Variants in XPO1 observed in about 807,000 individuals in gnomAD.
XPO1 encodes exportin 1.
A neutral mutation model predicts 133.3 loss-of-function variants in XPO1; 5 were observed. The observed-to-expected ratio is 0.04, with a 90% CI of 0.02 to 0.08. XPO1 has a LOEUF of 0.08. XPO1 is among the 10% of genes least tolerant of loss of function. XPO1 has a pLI of 1.00. For synonymous variants in XPO1, 419 were observed against 408.2 expected, an observed-to-expected ratio of 1.03 and a Z score of -0.32; for missense variants, 506 against 1,267.5, an observed-to-expected ratio of 0.40 and a Z score of 9.12.
At chr2:61,535,253 G>A (rs547304016) in intron 1 of XPO1, among the ~76,000 whole-genome samples, 7 of 152,166 alleles carry the variant, frequency 4.6e-5, no homozygotes, top group African/African-American at 7.2e-5. Flanking sequence ...CTTTTTGGGG[G>A]TCTAAGATGC....
At chr2:61,503,987 G>C (rs1316050096) in intron 4 of XPO1, among the ~76,000 whole-genome samples, 2 of 152,236 alleles carry the variant, frequency 1.3e-5, no homozygotes, top group Non-Finnish European at 2.9e-5. Flanking sequence ...GGAGGCTGCA[G>C]TGAACGGAGA....
intron 9 of XPO1, among the ~76,000 whole-genome samples, chr2:61,497,458 A>G (rs890082807): frequency 1.3e-5 from 2 of 152,098 alleles, no homozygotes; most frequent in African/African-American, 4.8e-5. Flanking sequence ...TGATCCGCTC[A>G]CCTCGACCTC....
chr2:61,494,605 G>C (rs1295939117), intron 11 of XPO1: 1 of 152,442 alleles, frequency 6.6e-6, no homozygotes. Context: ...TACAGAGACA[G>C]AAACCAAAAT....
rs375303773 is a variant in XPO1 at position 61,482,947 on chromosome 2, A to G, written c.2812+10T>C. 1.6e-4 allele frequency: 260 copies of G among 1,613,226 alleles called. 1 individual carries two copies. Among genetic ancestry groups the G allele is most frequent in the Non-Finnish European group, 2.0e-4 (240 of 1,179,920 alleles). ...TGGCACTTAACATTTAAATCGTATT[A>G]AATTCTTACCAGCAGTATGTGAAGT... On this transcript the variant is annotated intron_variant, in intron 22 of 24. Coordinates refer to ENST00000401558, the MANE Select transcript of XPO1 (RefSeq NM_003400.4).
intron 4 of XPO1, chr2:61,502,746 TAA>T (rs11365993): frequency 1.9e-4 from 29 of 150,670 alleles, no homozygotes; most frequent in South Asian, 4.1e-4. Context: ...GAGCAAGACT[TAA>T]AAAAAAAAAA....
rs536613721 is a variant in XPO1 at position 61,505,477 on chromosome 2, C to T, written c.302-3167G>A. ...TGTGATCTAGGCTCACTGACACGGC[C>T]GCCTCCTGGGTTCAAGTGATTCTCC... is the stretch of plus-strand genomic sequence containing the variant. On this transcript the variant is annotated intron_variant, in intron 4 of 24. Transcript: ENST00000401558. Among the ~76,000 whole-genome samples the T allele has an allele frequency of 9.3e-5, 14 of 151,092 alleles. No homozygotes were observed. The East Asian group carries it at 1.8e-3, about 19-fold the overall frequency.
intron 6 of XPO1, among the ~76,000 whole-genome samples, chr2:61,501,760 T>TC (rs2104525134): frequency 1.2e-5 from 1 of 86,116 alleles, no homozygotes; most frequent in East Asian, 3.5e-4. Flanking sequence ...TAAATAAGAA[T>TC]CCAACAGAGT....
At chr2:61,491,438 G>T (rs988689141) in intron 16 of XPO1, among the ~76,000 whole-genome samples, 7 of 144,958 alleles carry the variant, frequency 4.8e-5, no homozygotes, top group African/African-American at 1.8e-4. Context: ...ACGACAGAGT[G>T]AAACTCCATC....
At chr2:61,479,220 T>G (rs1696207671) in intron 24 of XPO1, among the ~76,000 whole-genome samples, 1 of 152,052 alleles carries the variant, frequency 6.6e-6, no homozygotes, top group African/African-American at 2.4e-5. Context: ...TAATCCCAAC[T>G]TTGGGAGGCA....
intron 4 of XPO1, among the ~76,000 whole-genome samples, chr2:61,520,076 A>C (rs1698614530): frequency 6.6e-6 from 1 of 152,166 alleles, no homozygotes; most frequent in South Asian, 2.1e-4. Flanking sequence ...ATTTAGTAGT[A>C]ATCGGTACAA....
chr2:61,533,711 C>G (rs1032894856), intron 2 of XPO1, 61 bp downstream of exon 2: 2 of 1,373,870 alleles, frequency 1.5e-6, no homozygotes, highest in Non-Finnish European at 1.9e-6. Context: ...AAATTTTATT[C>G]TAAACCCAAC....
At chr2:61,510,685 C>G (rs1698045792) in intron 4 of XPO1, among the ~76,000 whole-genome samples, 1 of 152,046 alleles carries the variant, frequency 6.6e-6, no homozygotes, top group Non-Finnish European at 1.5e-5. Context: ...TGACTGTAAT[C>G]TAAACACTTT....
At chr2:61,534,357 A>G (rs1270813946) in intron 1 of XPO1, 1 of 152,452 alleles carries the variant, frequency 6.6e-6, no homozygotes, top group African/African-American at 2.4e-5. Context: ...AGCTCACTTC[A>G]CATTATCTTA....
chr2:61,523,310 G>C (rs551673961), intron 3 of XPO1, among the ~76,000 whole-genome samples: 1 of 152,084 alleles, frequency 6.6e-6, no homozygotes, highest in South Asian at 2.1e-4. Flanking sequence ...AATCACAAAC[G>C]CATGTTGCAA....
rs1380722144 is a variant in XPO1 at position 61,478,690 on chromosome 2, C to A, written c.*130G>T. 2 of 873,526 alleles carry A rather than the reference C, an allele frequency of 2.3e-6. No individual in the cohort carries two copies. The highest frequency in any genetic ancestry group is 1.7e-5 in the African/African-American group (1 of 57,874). The allele number at this position is 873,526 out of a possible 1,614,324, so 54.1% of individuals were successfully genotyped here. A position where few individuals can be genotyped will look rare whatever the true frequency, so the allele number is the denominator to read the frequency against. ...ACAGAAAATTTCTTATACAAAAAAACACATAAGAAAAAGGGCCACTAGGTG... is the reference window on the plus strand; with the variant it reads ...ACAGAAAATTTCTTATACAAAAAAAAACATAAGAAAAAGGGCCACTAGGTG... On this transcript the variant is annotated 3_prime_UTR_variant, in exon 25 of 25. Transcript: ENST00000401558.
chr2:61,511,811 TGC>T (rs1452254100), intron 4 of XPO1, among the ~76,000 whole-genome samples: 1 of 152,170 alleles, frequency 6.6e-6, no homozygotes, highest in African/African-American at 2.4e-5. Flanking sequence ...CAGGCTGGAA[TGC>T]AGTGGCATGA....
Position 61,485,811 on chromosome 2 carries a change from A to G in XPO1, c.2465T>C (p.Ile822Thr). Reference protein sequence around the residue: ...GGHITAEIPQIFDAVFECTLN... With the variant: ...GGHITAEIPQTFDAVFECTLN... ...TGTGCATTCAAAAACAGCATCAAATATTTGAGGTATTTCAGCTGTTATATG... is the reference window on the plus strand; with the variant it reads ...TGTGCATTCAAAAACAGCATCAAATGTTTGAGGTATTTCAGCTGTTATATG... The change falls in exon 20 of 25, where the codon ATA becomes ACA. Residue 822 changes from isoleucine to threonine, a missense_variant. This residue lies in a region of XPO1 where 203 missense variants were observed against 365.9 expected (regional missense o/e 0.55). Coordinates refer to ENST00000401558, the MANE Select transcript of XPO1 (RefSeq NM_003400.4). 6.2e-7 allele frequency: 1 copy of G among 1,613,698 alleles called. No homozygotes were observed. The highest frequency in any genetic ancestry group is 8.5e-7 in the Non-Finnish European group (1 of 1,179,840).
intron 3 of XPO1, chr2:61,525,139 T>C (rs1698862011): frequency 3.0e-6 from 1 of 332,572 alleles, no homozygotes; most frequent in Admixed American, 6.5e-5. Flanking sequence ...ATGATCCCTA[T>C]GGTAGAAATT....
At chr2:61,506,702 T>C (rs953829597) in intron 4 of XPO1, among the ~76,000 whole-genome samples, 2 of 149,442 alleles carry the variant, frequency 1.3e-5, no homozygotes, top group African/African-American at 2.5e-5. Flanking sequence ...AATAAATAAA[T>C]AAATAAATAA....
Sources: gnomAD v4.1 joint callset for allele counts (sites outside exome capture counted in the v4.1 genomes callset) on GRCh38, gnomAD v4.1.1 for gene constraint, gnomAD v4.1.1 regional missense constraint, MANE v1.5 for transcripts, NCBI Gene and HGNC (gene_info 2026-07-23, HGNC 2026-07-21) for gene names.